Variants in SLC44A3 observed in about 807,000 individuals in gnomAD.
SLC44A3 encodes choline transporter-like protein 3.
In SLC44A3, 74 loss-of-function variants were observed where a neutral mutation model predicts 75.4. That is an observed-to-expected ratio of 0.98 (90% CI 0.81 to 1.19). The LOEUF (loss-of-function observed/expected upper bound fraction) is 1.19, where lower values mean the gene tolerates loss of function less well. Among genes scored for constraint, SLC44A3 ranks in the 50% most tolerant of loss-of-function variants. The pLI, the probability that SLC44A3 is intolerant of heterozygous loss-of-function variation, is 0.00. For synonymous variants in SLC44A3, 310 were observed against 296.9 expected, an observed-to-expected ratio of 1.04 and a Z score of -0.45; for missense variants, 700 against 778.6, an observed-to-expected ratio of 0.90 and a Z score of 1.20.
chr1:94,869,538 A>G (rs1345373204), intron 12 of SLC44A3, among the ~76,000 whole-genome samples: 1 of 152,204 alleles, frequency 6.6e-6, no homozygotes, highest in Non-Finnish European at 1.5e-5. Flanking sequence ...TGATGCTCAG[A>G]GGCCTAAGGT....
rs370619931 is a variant in SLC44A3, at chr1:94,828,694, C to T, written c.509+108C>T. ...GTGGGAAGGAGATATCAGAAGAGCC[C>T]CTGCCTGCAGGGAGCTTACAGTCTA... On this transcript the variant is annotated intron_variant, in intron 5 of 14. Transcript: ENST00000271227. 8 of 954,758 alleles carry T rather than the reference C, an allele frequency of 8.4e-6. No individual in the cohort carries two copies. The South Asian group carries it at 1.1e-4, about 14-fold the overall frequency. 59.1% of individuals were successfully genotyped at this position (954,758 alleles called of 1,614,324 possible).
chr1:94,833,227 T>G (rs1446099017), intron 5 of SLC44A3, among the ~76,000 whole-genome samples: 3 of 152,188 alleles, frequency 2.0e-5, no homozygotes, highest in African/African-American at 4.8e-5. Flanking sequence ...CACATTTACT[T>G]GTCTGATACT....
intron 4 of SLC44A3, 104 bp from the exon 5 acceptor site, chr1:94,828,389 C>A: frequency 1.1e-6 from 1 of 882,122 alleles, no homozygotes. Flanking sequence ...CACCCATAGA[C>A]CTTGTAGTTG....
chr1:94,871,419 C>T (rs538915013), intron 12 of SLC44A3, among the ~76,000 whole-genome samples: 2 of 152,182 alleles, frequency 1.3e-5, no homozygotes, highest in Non-Finnish European at 2.9e-5. Flanking sequence ...GGCAAAGGGA[C>T]CTTACAGCCT....
At chr1:94,833,026 C>T (rs1432829318) in intron 5 of SLC44A3, among the ~76,000 whole-genome samples, 3 of 151,492 alleles carry the variant, frequency 2.0e-5, no homozygotes, top group Non-Finnish European at 2.9e-5. Flanking sequence ...CTCACTTGAT[C>T]GGAGGTTCAA....
chr1:94,837,731 A>G lies in SLC44A3; in HGVS notation c.530A>G (p.Asn177Ser). 6.3e-7 allele frequency: 1 copy of G among 1,581,490 alleles called. No individual in the cohort carries two copies. The highest frequency in any genetic ancestry group is 1.7e-4 in the Middle Eastern group (1 of 5,954). Reference protein sequence around the residue: ...VPPSKSFPLFNRCVPQTPECY... With the variant: ...VPPSKSFPLFSRCVPQTPECY... Reference sequence around the variant, plus strand: ...TTTAGCAAGTCATTTCCCTTATTTAACCGATGTGTCCCTCAAACACCTGAG... The same window carrying G: ...TTTAGCAAGTCATTTCCCTTATTTAGCCGATGTGTCCCTCAAACACCTGAG... Residue 177 changes from asparagine to serine, a missense_variant, in exon 6 of 15, where the codon AAC becomes AGC. Transcript: ENST00000271227.
At chr1:94,884,376 C>G (rs186590187) in intron 12 of SLC44A3, among the ~76,000 whole-genome samples, 1 of 152,364 alleles carries the variant, frequency 6.6e-6, no homozygotes, top group Non-Finnish European at 1.5e-5. Context: ...CAAGATGAAA[C>G]TGGTCTGGGA....
chr1:94,836,433 A>G (rs569767211), intron 5 of SLC44A3, among the ~76,000 whole-genome samples: 2 of 152,334 alleles, frequency 1.3e-5, no homozygotes, highest in African/African-American at 4.8e-5. Context: ...TTTATTGAGC[A>G]CCCACTGTTC....
chr1:94,851,924 C>G (rs1665262776), intron 9 of SLC44A3, among the ~76,000 whole-genome samples: 1 of 152,214 alleles, frequency 6.6e-6, no homozygotes, highest in African/African-American at 2.4e-5. Context: ...ATTATATCAC[C>G]TTAGTCTTTT....
Position 94,878,256 on chromosome 1 carries a change from CAAACA to C in SLC44A3, c.1482+10843_1482+10847del, listed in dbSNP as rs1268172596. Among the ~76,000 whole-genome samples the C allele has an allele frequency of 2.9e-5, 4 of 138,672 alleles. No individual in the cohort carries two copies. The East Asian group carries it at 8.4e-4, about 29-fold the overall frequency. The allele number at this position is 138,672 out of a possible 152,430, so 91.0% of individuals were successfully genotyped here. On this transcript the variant is annotated intron_variant, in intron 12 of 14. Transcript: ENST00000271227. ...TCACAAAAAAACCAAAACAAACAAACAAACAAAAAAAAAACAGAGAAACTTGGTTG... is the reference window on the plus strand; with the variant it reads ...TCACAAAAAAACCAAAACAAACAAACAAAAAAAAACAGAGAAACTTGGTTG...
At chr1:94,829,393 T>A (rs893193454) in intron 5 of SLC44A3, among the ~76,000 whole-genome samples, 1 of 152,240 alleles carries the variant, frequency 6.6e-6, no homozygotes, top group Non-Finnish European at 1.5e-5. Flanking sequence ...CAAGGCCAAG[T>A]GATCACCACA....
intron 11 of SLC44A3, among the ~76,000 whole-genome samples, chr1:94,867,026 T>A (rs1318516208): frequency 1.3e-5 from 2 of 152,088 alleles, no homozygotes; most frequent in African/African-American, 4.8e-5. Flanking sequence ...TAAGGGCAGA[T>A]GAAGGGGGAA....
At chr1:94,821,102 C>A (rs6676991) in intron 2 of SLC44A3, 46 bp downstream of exon 2, 902,944 of 1,460,390 alleles carry the variant, frequency 0.62, 280,723 homozygotes, top group South Asian at 0.68. Context: ...TGTGTGTGCA[C>A]GTCTGGAAAT....
chr1:94,834,895 A>G (rs1367630610), intron 5 of SLC44A3, among the ~76,000 whole-genome samples: 1 of 152,212 alleles, frequency 6.6e-6, no homozygotes, highest in African/African-American at 2.4e-5. Context: ...AGAGAAAAAT[A>G]ACAACTTTAC....
At chr1:94,851,413 T>A (rs1399630430) in intron 9 of SLC44A3, among the ~76,000 whole-genome samples, 3 of 152,098 alleles carry the variant, frequency 2.0e-5, no homozygotes, top group Non-Finnish European at 4.4e-5. Flanking sequence ...ATAGAGGCAG[T>A]GAATAAGGAA....
At chr1:94,827,041 A>T (rs1206670415) in intron 3 of SLC44A3, among the ~76,000 whole-genome samples, 3 of 152,222 alleles carry the variant, frequency 2.0e-5, no homozygotes, top group Non-Finnish European at 2.9e-5. Flanking sequence ...AAGGGGGAAA[A>T]GACAAGCCTT....
intron 12 of SLC44A3, among the ~76,000 whole-genome samples, chr1:94,875,185 G>T (rs1425148538): frequency 2.0e-5 from 3 of 152,134 alleles, no homozygotes; most frequent in Non-Finnish European, 4.4e-5. Context: ...CTCCAAATTT[G>T]CCCAGTCCCT....
In SLC44A3 at chr1:94,857,616, A is replaced by G. The variant is rs991582173; in HGVS notation, c.1238+116A>G. ...ACCTAGCCCCTTAAAAGAAGTTGGCAAGAATAAAAGAGTAAGCTAAAATTT... is the reference window on the plus strand; with the variant it reads ...ACCTAGCCCCTTAAAAGAAGTTGGCGAGAATAAAAGAGTAAGCTAAAATTT... On this transcript the variant is annotated intron_variant, in intron 10 of 14. Coordinates refer to ENST00000271227, the MANE Select transcript of SLC44A3 (RefSeq NM_001114106.3). The G allele has an allele frequency of 4.5e-6, 5 of 1,099,094 alleles. No individual in the cohort carries two copies. The African/African-American group carries it at 8.1e-5, about 18-fold the overall frequency. The allele number at this position is 1,099,094 out of a possible 1,614,324, so 68.1% of individuals were successfully genotyped here. A position where few individuals can be genotyped will look rare whatever the true frequency, so the allele number is the denominator to read the frequency against.
chr1:94,870,703 A>G (rs768389451), intron 12 of SLC44A3, among the ~76,000 whole-genome samples: 7 of 152,148 alleles, frequency 4.6e-5, no homozygotes, highest in Non-Finnish European at 8.8e-5. Flanking sequence ...TTTGTTTGAG[A>G]CGGAGTTTTG....
Sources: gnomAD v4.1 joint callset for allele counts (sites outside exome capture counted in the v4.1 genomes callset) on GRCh38, gnomAD v4.1.1 for gene constraint, MANE v1.5 for transcripts, NCBI Gene and HGNC (gene_info 2026-07-23, HGNC 2026-07-21) for gene names.